The following CYTH3 variants were observed in gnomAD, a reference collection of about 807,000 sequenced individuals.
The protein encoded by CYTH3 is cytohesin 3, also known as cytohesin-3.
Under a neutral mutation model 55.1 loss-of-function variants are expected in CYTH3, and 23 were observed. That is an observed-to-expected ratio of 0.42 (90% CI 0.30 to 0.59). The LOEUF (loss-of-function observed/expected upper bound fraction) is 0.59, where lower values mean the gene tolerates loss of function less well. Ranked by LOEUF, CYTH3 falls within the 20% of genes least tolerant of loss-of-function variation. The pLI is 0.20. For synonymous variants in CYTH3, 249 were observed against 194.9 expected (o/e 1.28, Z -2.31); for missense variants, 413 against 524.8 (o/e 0.79, Z 2.08).
intron 1 of CYTH3, among the ~76,000 whole-genome samples, chr7:6,247,017 A>G (rs1303207706): frequency 6.6e-6 from 1 of 152,232 alleles, no homozygotes; most frequent in Non-Finnish European, 1.5e-5. Flanking sequence ...TTTCAGGTAC[A>G]GGTAGTAGAA....
chr7:6,189,579 G>A (rs1367295861), intron 2 of CYTH3, among the ~76,000 whole-genome samples: 4 of 151,978 alleles, frequency 2.6e-5, no homozygotes, highest in African/African-American at 9.7e-5. Flanking sequence ...AAAGTGCTGG[G>A]ATAACAGGTG....
chr7:6,170,585 A>G lies in CYTH3; in HGVS notation c.773T>C (p.Leu258Pro). The change falls in exon 9 of 13, where the codon CTG (leucine) becomes CCG (proline). Residue 258 changes from leucine (L) to proline (P), a missense_variant. Around this residue, in one of 4 missense-constraint regions of CYTH3, gnomAD observed 156 missense variants for 233.1 expected, o/e 0.67. Transcript: ENST00000350796. This position sits in a 1 kb window ranked among gnomAD's most constrained non-coding sequence, Gnocchi z 7.8. Reference sequence around the variant, plus strand: ...GTCGGGGTTGAAGAAGGTGTGGGTCAGGTCGTTCCCGTCGTCCTCCGGGAT... The same window carrying G: ...GTCGGGGTTGAAGAAGGTGTGGGTCGGGTCGTTCCCGTCGTCCTCCGGGAT... ...FKIPEDDGND[L>P]THTFFNPDRE... The G allele has an allele frequency of 6.2e-7, 1 of 1,613,972 alleles. No homozygotes were observed. Among genetic ancestry groups the G allele is most frequent in the Admixed American group, 1.7e-5 (1 of 60,018 alleles).
At chr7:6,248,235 C>A (rs1402639903) in intron 1 of CYTH3, among the ~76,000 whole-genome samples, 3 of 139,786 alleles carry the variant, frequency 2.1e-5, no homozygotes, top group African/African-American at 5.5e-5. Flanking sequence ...CCTCCCCCAA[C>A]CCCCCCCCAG....
At chr7:6,259,150 A>G (rs1251513243) in intron 1 of CYTH3, among the ~76,000 whole-genome samples, 6 of 152,222 alleles carry the variant, frequency 3.9e-5, no homozygotes, top group Non-Finnish European at 8.8e-5. Context: ...AGTTGCAGTA[A>G]GCCTGTGTCT....
At chr7:6,224,414 T>C (rs919365660) in intron 1 of CYTH3, among the ~76,000 whole-genome samples, 5 of 151,162 alleles carry the variant, frequency 3.3e-5, no homozygotes, top group Non-Finnish European at 7.4e-5. Flanking sequence ...CTTCAACAAA[T>C]GGTGCTGGGA....
At chr7:6,272,009 G>A (rs1780673386) in intron 1 of CYTH3, among the ~76,000 whole-genome samples, 1 of 152,174 alleles carries the variant, frequency 6.6e-6, no homozygotes, top group Non-Finnish European at 1.5e-5. Context: ...TACACTCGAG[G>A]AGCCTCCAGT....
intron 1 of CYTH3, among the ~76,000 whole-genome samples, chr7:6,259,821 T>TATA (rs1562418180): frequency 2.3e-4 from 6 of 26,602 alleles, no homozygotes; most frequent in Admixed American, 6.8e-4. Flanking sequence ...ATAATATATA[T>TATA]ATATATATAT....
intron 6 of CYTH3, chr7:6,173,058 C>T (rs113774777): frequency 3.5e-4 from 380 of 1,073,596 alleles, no homozygotes; most frequent in Middle Eastern, 7.7e-4. Context: ...TCCTCTCCCC[C>T]GGATGCTGCT....
intron 6 of CYTH3, chr7:6,172,955 G>C (rs764510514): frequency 2.6e-6 from 3 of 1,146,482 alleles, no homozygotes; most frequent in Admixed American, 7.4e-5. Flanking sequence ...CGAGAACAAG[G>C]TATGAAGCCG....
intron 1 of CYTH3, among the ~76,000 whole-genome samples, chr7:6,236,354 C>T (rs1337425593): frequency 7.4e-6 from 1 of 134,274 alleles, no homozygotes; most frequent in Non-Finnish European, 1.6e-5. Context: ...CAGGCGCACA[C>T]TACGCCTGAC....
At chr7:6,237,252 C>T (rs1779547256) in intron 1 of CYTH3, among the ~76,000 whole-genome samples, 1 of 152,186 alleles carries the variant, frequency 6.6e-6, no homozygotes, top group South Asian at 2.1e-4. Flanking sequence ...ACAACACTGC[C>T]GCAGGGAACA....
chr7:6,254,049 G>A (rs965357860), intron 1 of CYTH3, among the ~76,000 whole-genome samples: 1 of 151,752 alleles, frequency 6.6e-6, no homozygotes, highest in Admixed American at 6.6e-5. Context: ...AGGTGCAGTG[G>A]CAGGCACCTA....
chr7:6,166,328 G>A (rs779248225), intron 9 of CYTH3, among the ~76,000 whole-genome samples: 38 of 152,226 alleles, frequency 2.5e-4, no homozygotes, highest in African/African-American at 8.4e-4. Context: ...CTCTCCCTAA[G>A]GGAAGGAAAT....
intron 1 of CYTH3, among the ~76,000 whole-genome samples, chr7:6,190,828 G>C (rs1347425694): frequency 6.6e-6 from 1 of 152,062 alleles, no homozygotes. Flanking sequence ...TGTAATCCCA[G>C]CACTTTAGGA....
intron 1 of CYTH3, among the ~76,000 whole-genome samples, chr7:6,228,365 T>C (rs964244184): frequency 3.3e-5 from 5 of 152,186 alleles, no homozygotes; most frequent in Admixed American, 6.5e-5. Context: ...ATATGTAACA[T>C]GCCCTCTGGC....
At chr7:6,224,701 T>G (rs909309374) in intron 1 of CYTH3, among the ~76,000 whole-genome samples, 5 of 152,230 alleles carry the variant, frequency 3.3e-5, no homozygotes, top group Admixed American at 6.5e-5. Flanking sequence ...GTAATTCTAC[T>G]TCTACGTATA....
At chr7:6,195,966 C>A (rs1231539839) in intron 1 of CYTH3, among the ~76,000 whole-genome samples, 1 of 152,222 alleles carries the variant, frequency 6.6e-6, no homozygotes, top group East Asian at 1.9e-4. Flanking sequence ...ATTGGGTGGT[C>A]TGGTAGCTCA....
chr7:6,244,845 G>A (rs568159912), intron 1 of CYTH3, among the ~76,000 whole-genome samples: 18 of 151,344 alleles, frequency 1.2e-4, no homozygotes, highest in South Asian at 6.3e-4. Flanking sequence ...CTGGAGTGCG[G>A]TGGTGCAATC....
intron 1 of CYTH3, among the ~76,000 whole-genome samples, chr7:6,247,268 A>C (rs1483784744): frequency 6.6e-6 from 1 of 152,246 alleles, no homozygotes; most frequent in African/African-American, 2.4e-5. Flanking sequence ...TGGCAATGTT[A>C]TAGAAAAGTC....
Sources: allele counts gnomAD v4.1 joint callset (sites outside exome capture counted in the v4.1 genomes callset), GRCh38; gene constraint gnomAD v4.1.1; regional missense constraint gnomAD v4.1.1; non-coding constraint Gnocchi (gnomAD v3.1); transcripts MANE v1.5; gene names NCBI Gene and HGNC (gene_info 2026-07-23, HGNC 2026-07-21).